The following SPOCK3 variants were observed in gnomAD, a reference collection of about 807,000 sequenced individuals.
SPOCK3 encodes the protein testican-3.
A neutral mutation model predicts 56.6 loss-of-function variants in SPOCK3; 30 were observed. The observed-to-expected ratio is 0.53, with a 90% confidence interval of 0.40 to 0.72. SPOCK3 has a LOEUF of 0.72. SPOCK3 is among the 30% of genes least tolerant of loss of function. SPOCK3 has a pLI of 0.00. For synonymous variants in SPOCK3, 196 were observed against 183.3 expected, an observed-to-expected ratio of 1.07 and a Z score of -0.56; for missense variants, 527 against 530.0, an observed-to-expected ratio of 0.99 and a Z score of 0.06.
At chr4:167,084,902 G>C (rs543614755) in intron 2 of SPOCK3, among the ~76,000 whole-genome samples, 2 of 152,118 alleles carry the variant, frequency 1.3e-5, no homozygotes, top group African/African-American at 4.8e-5. Flanking sequence ...AAAAAGTCTT[G>C]TAGGTACAAA....
At chr4:167,040,832 G>A (rs959047885) in intron 3 of SPOCK3, among the ~76,000 whole-genome samples, 1 of 152,144 alleles carries the variant, frequency 6.6e-6, no homozygotes, top group African/African-American at 2.4e-5. Flanking sequence ...AAGAGACCTT[G>A]TAAGTTATTT....
intron 7 of SPOCK3, among the ~76,000 whole-genome samples, chr4:166,765,521 G>C (rs1285176921): frequency 1.3e-5 from 2 of 152,004 alleles, no homozygotes; most frequent in Non-Finnish European, 2.9e-5. Flanking sequence ...ATTTCTGAGG[G>C]CTCTGTTCTG....
chr4:167,165,039 A>T (rs1765639536), intron 2 of SPOCK3, among the ~76,000 whole-genome samples: 1 of 152,164 alleles, frequency 6.6e-6, no homozygotes, highest in Non-Finnish European at 1.5e-5. Flanking sequence ...TGGTTGAACT[A>T]ATTTACACTC....
At chr4:166,851,928 A>C (rs1387581115) in intron 6 of SPOCK3, among the ~76,000 whole-genome samples, 1 of 151,992 alleles carries the variant, frequency 6.6e-6, no homozygotes, top group Non-Finnish European at 1.5e-5. Context: ...TTGGATTAAG[A>C]AAATGTGGCA....
intron 4 of SPOCK3, among the ~76,000 whole-genome samples, chr4:166,916,904 A>G (rs1179128337): frequency 6.6e-6 from 1 of 152,186 alleles, no homozygotes; most frequent in Admixed American, 6.6e-5. Context: ...GCCACATGTT[A>G]TGATTTTAGG....
At chr4:166,754,165 A>G (rs1430608773) in intron 8 of SPOCK3, 1 of 1,015,326 alleles carries the variant, frequency 9.8e-7, no homozygotes, top group Non-Finnish European at 1.2e-6. Context: ...CATTTATTTT[A>G]CATTGTGGGC....
intron 5 of SPOCK3, among the ~76,000 whole-genome samples, chr4:166,898,993 C>T (rs773580884): frequency 6.6e-6 from 1 of 151,970 alleles, no homozygotes; most frequent in Non-Finnish European, 1.5e-5. Context: ...ATAAAAAAGG[C>T]CTAGGCAGTG....
chr4:166,746,881 T>C (rs1735686651), intron 8 of SPOCK3, among the ~76,000 whole-genome samples: 1 of 152,140 alleles, frequency 6.6e-6, no homozygotes, highest in Non-Finnish European at 1.5e-5. Context: ...CTAGAAAATC[T>C]AGAAGAAATG....
chr4:167,209,485 T>C (rs1734659524), intron 2 of SPOCK3, among the ~76,000 whole-genome samples: 4 of 152,124 alleles, frequency 2.6e-5, no homozygotes, highest in Admixed American at 2.6e-4. Flanking sequence ...AAATGAATCA[T>C]GTTTTCTGTG....
intron 2 of SPOCK3, among the ~76,000 whole-genome samples, chr4:167,153,648 G>C (rs1764587604): frequency 6.6e-6 from 1 of 152,050 alleles, no homozygotes; most frequent in African/African-American, 2.4e-5. Context: ...AAAATCTTAA[G>C]AGACAGAAAG....
chr4:167,121,682 G>C, intron 2 of SPOCK3, among the ~76,000 whole-genome samples: 1 of 152,022 alleles, frequency 6.6e-6, no homozygotes, highest in East Asian at 1.9e-4. Context: ...GTTATCAGTA[G>C]GATTCATGTT....
intron 4 of SPOCK3, among the ~76,000 whole-genome samples, chr4:166,924,782 G>A (rs1336958595): frequency 6.6e-6 from 1 of 152,168 alleles, no homozygotes; most frequent in East Asian, 1.9e-4. Context: ...ATGCTGCCAA[G>A]GAGTTAGCCA....
chr4:167,195,964 G>C (rs1394984772), intron 2 of SPOCK3, among the ~76,000 whole-genome samples: 1 of 152,292 alleles, frequency 6.6e-6, no homozygotes, highest in South Asian at 2.1e-4. Flanking sequence ...TCGTATTGCT[G>C]ATGTCACTCT....
chr4:167,068,824 G>A (rs1156532264), intron 2 of SPOCK3, among the ~76,000 whole-genome samples: 14 of 151,942 alleles, frequency 9.2e-5, no homozygotes, highest in Admixed American at 8.6e-4. Flanking sequence ...AAAGCCAGAT[G>A]CATTCAGAAT....
At chr4:167,037,290 C>A (rs1488301873) in intron 3 of SPOCK3, among the ~76,000 whole-genome samples, 1 of 151,850 alleles carries the variant, frequency 6.6e-6, no homozygotes, top group African/African-American at 2.4e-5. Context: ...AAGGCCATAC[C>A]GGCCAACATG....
At chr4:167,197,087 G>A (rs1379705639) in intron 2 of SPOCK3, among the ~76,000 whole-genome samples, 1 of 152,142 alleles carries the variant, frequency 6.6e-6, no homozygotes, top group Non-Finnish European at 1.5e-5. Context: ...GACTCATTGA[G>A]GGTTACCTTA....
rs1452652717 is a variant in SPOCK3 at position 166,748,444 on chromosome 4, T to C, written c.931+6064A>G. Among the ~76,000 whole-genome samples, 2 of 137,122 alleles carry C rather than the reference T, an allele frequency of 1.5e-5. 1 individual carries two copies. Among genetic ancestry groups the C allele is most frequent in the Non-Finnish European group, 3.1e-5 (2 of 64,696 alleles). The allele number at this position is 137,122 out of a possible 152,430, so 90.0% of individuals were successfully genotyped here. A position where few individuals can be genotyped will look rare whatever the true frequency, so the allele number is the denominator to read the frequency against. ...AACTGGCTAGCCATATGTACAAAGC[T>C]GAAACTGGATGCCTTCCTTACATCA... On this transcript the variant is annotated intron_variant, in intron 8 of 10. Coordinates refer to ENST00000357545, the MANE Select transcript of SPOCK3 (RefSeq NM_001040159.2).
intron 4 of SPOCK3, among the ~76,000 whole-genome samples, chr4:166,930,037 T>A: frequency 6.6e-6 from 1 of 152,120 alleles, no homozygotes; most frequent in Non-Finnish European, 1.5e-5. Context: ...GTAGAGTCAT[T>A]TTGTTTTGGA....
At chr4:167,017,644 T>G (rs1344468731) in intron 3 of SPOCK3, among the ~76,000 whole-genome samples, 1 of 152,098 alleles carries the variant, frequency 6.6e-6, no homozygotes. Flanking sequence ...TGCAGATACC[T>G]GAGTTAAGAA....
Sources: gnomAD v4.1 joint callset for allele counts (sites outside exome capture counted in the v4.1 genomes callset) on GRCh38, gnomAD v4.1.1 for gene constraint, MANE v1.5 for transcripts, NCBI Gene and HGNC (gene_info 2026-07-23, HGNC 2026-07-21) for gene names.